CCDC85A: variants seen among roughly 807,000 people sequenced by gnomAD.
The protein encoded by CCDC85A is coiled-coil domain containing 85A.
CCDC85A carries 38 observed loss-of-function variants against 50.2 expected under a neutral mutation model. That is an observed-to-expected ratio of 0.76 (90% CI 0.58 to 0.99). The LOEUF (loss-of-function observed/expected upper bound fraction) is 0.99. Among genes scored for constraint, CCDC85A ranks in the 50% least tolerant of loss-of-function variants. The pLI, the probability that CCDC85A is intolerant of heterozygous loss-of-function variation, is 0.00. For missense variants in CCDC85A, 820 were observed against 742.0 expected (o/e 1.11, Z -1.22); for synonymous variants, 366 against 301.4 (o/e 1.21, Z -2.22).
chr2:56,276,642 T>C (rs1670960466), intron 2 of CCDC85A, among the ~76,000 whole-genome samples: 1 of 152,176 alleles, frequency 6.6e-6, no homozygotes, highest in South Asian at 2.1e-4. Context: ...CCCAGCCACT[T>C]GGAACTGTAA....
intron 2 of CCDC85A, among the ~76,000 whole-genome samples, chr2:56,252,698 C>T (rs1307537157): frequency 6.6e-6 from 1 of 152,274 alleles, no homozygotes; most frequent in African/African-American, 2.4e-5. Flanking sequence ...CTCGGGCCCC[C>T]CCGCCCAACC....
At chr2:56,248,554 C>G (rs1015868255) in intron 2 of CCDC85A, among the ~76,000 whole-genome samples, 1 of 152,314 alleles carries the variant, frequency 6.6e-6, no homozygotes. Flanking sequence ...GCAATTGACT[C>G]AGTCCTGCCT....
At chr2:56,258,769 G>A (rs975540795) in intron 2 of CCDC85A, among the ~76,000 whole-genome samples, 2 of 152,200 alleles carry the variant, frequency 1.3e-5, no homozygotes, top group Non-Finnish European at 1.5e-5. Flanking sequence ...TTGATGAGGA[G>A]AGGGGCCATT....
Position 56,384,392 on chromosome 2 carries a change from A to G in CCDC85A, c.*37A>G. On this transcript the variant is annotated 3_prime_UTR_variant, in exon 6 of 6. Transcript: ENST00000407595. ...TTTCAAACAGGAGATCACCACTGCC[A>G]GAAAGTGATAGAAGACAAGAAGAAA... 5.9e-6 allele frequency: 9 copies of G among 1,526,678 alleles called. No individual in the cohort carries two copies. The highest frequency in any genetic ancestry group is 8.1e-6 in the Non-Finnish European group (9 of 1,112,716). The allele number at this position is 1,526,678 out of a possible 1,614,324, so 94.6% of individuals were successfully genotyped here.
intron 2 of CCDC85A, among the ~76,000 whole-genome samples, chr2:56,269,769 A>G (rs955296964): frequency 6.6e-6 from 1 of 152,118 alleles, no homozygotes; most frequent in Non-Finnish European, 1.5e-5. Context: ...TTAAGTGAGC[A>G]TTTGCAAATA....
intron 2 of CCDC85A, among the ~76,000 whole-genome samples, chr2:56,216,553 ATGTT>A (rs1677401863): frequency 1.3e-5 from 2 of 151,624 alleles, no homozygotes; most frequent in South Asian, 4.2e-4. Flanking sequence ...CCGATTATCT[ATGTT>A]TGTTGTCTTT....
At chr2:56,230,781 G>A (rs1282740505) in intron 2 of CCDC85A, among the ~76,000 whole-genome samples, 1 of 152,208 alleles carries the variant, frequency 6.6e-6, no homozygotes, top group Non-Finnish European at 1.5e-5. Flanking sequence ...GAGCCCCTGT[G>A]AGTGCAGGTA....
chr2:56,190,554 G>A (rs1676251408), intron 1 of CCDC85A, among the ~76,000 whole-genome samples: 1 of 152,174 alleles, frequency 6.6e-6, no homozygotes, highest in African/African-American at 2.4e-5. Context: ...CATAGATTGG[G>A]GGTGGACCTT....
chr2:56,363,958 TA>T (rs1413676001), intron 3 of CCDC85A, among the ~76,000 whole-genome samples: 1 of 152,212 alleles, frequency 6.6e-6, no homozygotes, highest in Non-Finnish European at 1.5e-5. Flanking sequence ...AACAATGCCA[TA>T]ACCTTTTACT....
At chr2:56,292,106 G>A (rs192461126) in intron 2 of CCDC85A, among the ~76,000 whole-genome samples, 9 of 152,030 alleles carry the variant, frequency 5.9e-5, no homozygotes, top group East Asian at 3.9e-4. Context: ...TTTTTGAGAC[G>A]GAGTCTTGCT....
chr2:56,343,980 A>T (rs2104326464), intron 3 of CCDC85A, among the ~76,000 whole-genome samples: 1 of 152,274 alleles, frequency 6.6e-6, no homozygotes, highest in African/African-American at 2.4e-5. Context: ...TTGGGCTATC[A>T]GGTACTGCAC....
At chr2:56,188,880 G>A (rs1239927557) in intron 1 of CCDC85A, among the ~76,000 whole-genome samples, 1 of 152,192 alleles carries the variant, frequency 6.6e-6, no homozygotes, top group Admixed American at 6.5e-5. Flanking sequence ...TGCCAGATAT[G>A]TTGCATATTC....
chr2:56,219,538 C>G (rs557132856), intron 2 of CCDC85A, among the ~76,000 whole-genome samples: 125 of 151,786 alleles, frequency 8.2e-4, no homozygotes, highest in African/African-American at 2.9e-3. Flanking sequence ...CTTTCCTTTG[C>G]GTTCCAACTA....
At chr2:56,354,141 T>G (rs972494131) in intron 3 of CCDC85A, among the ~76,000 whole-genome samples, 8 of 152,250 alleles carry the variant, frequency 5.3e-5, no homozygotes, top group Admixed American at 3.9e-4. Flanking sequence ...GGAATTTAAA[T>G]AATTATGACG....
intron 2 of CCDC85A, among the ~76,000 whole-genome samples, chr2:56,245,914 A>G (rs1423385260): frequency 6.6e-6 from 1 of 152,202 alleles, no homozygotes; most frequent in Non-Finnish European, 1.5e-5. Context: ...ACTGGGAGAA[A>G]TAAATTTTTA....
chr2:56,200,151 G>C (rs1244119991), intron 2 of CCDC85A, among the ~76,000 whole-genome samples: 1 of 152,212 alleles, frequency 6.6e-6, no homozygotes, highest in Non-Finnish European at 1.5e-5. Context: ...ACAGGCGTGA[G>C]CCAACACACC....
In CCDC85A at chr2:56,184,270, G is replaced by A; in HGVS notation, c.-355G>A. On this transcript the variant is annotated 5_prime_UTR_variant, in exon 1 of 6. Transcript: ENST00000407595. The stretch of plus-strand genomic sequence containing the variant: ...GGCGACAGTCTCGGCTTAGGGCGGA[G>A]GAGAGGGCAGGGGAACGGCGGTGCA... 2.3e-6 allele frequency: 2 copies of A among 864,272 alleles called. No homozygotes were observed. Among genetic ancestry groups the A allele is most frequent in the Non-Finnish European group, 2.8e-6 (2 of 702,994 alleles). The allele number at this position is 864,272 out of a possible 1,614,324, so 53.5% of individuals were successfully genotyped here.
intron 2 of CCDC85A, among the ~76,000 whole-genome samples, chr2:56,288,568 T>C (rs1671552953): frequency 6.6e-6 from 1 of 152,114 alleles, no homozygotes; most frequent in African/African-American, 2.4e-5. Flanking sequence ...GACATAATTA[T>C]GTTTACCTTT....
chr2:56,247,127 C>A (rs1669546248), intron 2 of CCDC85A, among the ~76,000 whole-genome samples: 1 of 152,272 alleles, frequency 6.6e-6, no homozygotes, highest in Middle Eastern at 3.4e-3. Flanking sequence ...TGCCCAGGAA[C>A]CAAGACTGTC....
Sources: gnomAD v4.1 joint callset for allele counts (sites outside exome capture counted in the v4.1 genomes callset) on GRCh38, gnomAD v4.1.1 for gene constraint, MANE v1.5 for transcripts, NCBI Gene and HGNC (gene_info 2026-07-23, HGNC 2026-07-21) for gene names.